The following AGTPBP1 variants were observed in gnomAD, a reference collection of about 807,000 sequenced individuals.
The protein encoded by AGTPBP1 is ATP/GTP binding carboxypeptidase 1.
In AGTPBP1, 70 loss-of-function variants were observed where a neutral mutation model predicts 143.9. The ratio of observed to expected loss-of-function variants is 0.49; its 90% CI spans 0.40 to 0.59. The LOEUF (loss-of-function observed/expected upper bound fraction) is 0.59. Among genes scored for constraint, AGTPBP1 ranks in the 20% least tolerant of loss-of-function variants. The probability of loss-of-function intolerance (pLI) is 0.00; values close to 1 mark genes in which losing one functional copy is unlikely to be tolerated. For synonymous variants in AGTPBP1, 463 were observed against 500.2 expected, an observed-to-expected ratio of 0.93 and a Z score of 0.99; for missense variants, 1,229 against 1,464.5, an observed-to-expected ratio of 0.84 and a Z score of 2.62.
At chr9:85,554,521 A>G (rs1475117649) in intron 25 of AGTPBP1, among the ~76,000 whole-genome samples, 1 of 152,180 alleles carries the variant, frequency 6.6e-6, no homozygotes, top group Non-Finnish European at 1.5e-5. Flanking sequence ...AGCCAGGAGG[A>G]GGCGTGAACC....
At position 85,586,828 on chromosome 9, in the gene AGTPBP1, T is replaced by C; in HGVS notation, c.3033+3A>G. ...CCAAGTAAAAACAAGTATTGCTACT[T>C]ACCAAGGGTAAACGCTTCACTGCAG... is the stretch of plus-strand genomic sequence containing the variant. On this transcript the variant is annotated splice_donor_region_variant and intron_variant, in intron 22 of 25. Transcript: ENST00000357081. 2 of 1,612,858 alleles carry C rather than the reference T, an allele frequency of 1.2e-6. No homozygotes were observed. Among genetic ancestry groups the C allele is most frequent in the Non-Finnish European group, 1.7e-6 (2 of 1,179,196 alleles).
the AGTPBP1 span, among the ~76,000 whole-genome samples, chr9:85,771,963 A>G: frequency 7.3e-6 from 1 of 136,358 alleles, no homozygotes; most frequent in Non-Finnish European, 1.6e-5. Context: ...CCAGCCTGAT[A>G]TAGATAACTC....
chr9:85,758,928 A>C, the AGTPBP1 span, among the ~76,000 whole-genome samples: 10 of 152,120 alleles, frequency 6.6e-5, no homozygotes, highest in South Asian at 2.1e-4. Context: ...GGAGGAAGAT[A>C]TACCAAGCAA....
the AGTPBP1 span, among the ~76,000 whole-genome samples, chr9:85,764,336 C>T: frequency 4.0e-5 from 6 of 151,898 alleles, no homozygotes; most frequent in African/African-American, 1.2e-4. Context: ...CGAGACCAGC[C>T]TGGCCAACAT....
At chr9:85,694,742 C>G (rs1836118771) in intron 2 of AGTPBP1, among the ~76,000 whole-genome samples, 1 of 152,188 alleles carries the variant, frequency 6.6e-6, no homozygotes, top group South Asian at 2.1e-4. Flanking sequence ...AATCCCACAG[C>G]TGTAATTATT....
At position 85,712,539 on chromosome 9, in the gene AGTPBP1, G is replaced by A; in HGVS notation, c.-6C>T. 2.0e-6 allele frequency: 3 copies of A among 1,491,700 alleles called. No individual in the cohort carries two copies. Among genetic ancestry groups the A allele is most frequent in the South Asian group, 1.3e-5 (1 of 74,142 alleles). The allele number at this position is 1,491,700 out of a possible 1,614,324, so 92.4% of individuals were successfully genotyped here. A position where few individuals can be genotyped will look rare whatever the true frequency, so the allele number is the denominator to read the frequency against. ...ATCACTTTTAACTTGCTCATCTTGA[G>A]TTACTTCATTTCATAATTGCAGATA... On this transcript the variant is annotated 5_prime_UTR_variant, in exon 2 of 26. Transcript: ENST00000357081.
chr9:85,561,679 T>C (rs1305912224), intron 25 of AGTPBP1, among the ~76,000 whole-genome samples: 1 of 152,038 alleles, frequency 6.6e-6, no homozygotes, highest in Non-Finnish European at 1.5e-5. Context: ...TGGTGAGAGC[T>C]AATGACTGCA....
intron 3 of AGTPBP1, among the ~76,000 whole-genome samples, chr9:85,685,464 A>T (rs1281516911): frequency 6.6e-6 from 1 of 152,098 alleles, no homozygotes; most frequent in Non-Finnish European, 1.5e-5. Flanking sequence ...TGGTGGAAAC[A>T]CAATTGTAAG....
the AGTPBP1 span, among the ~76,000 whole-genome samples, chr9:85,796,407 A>G: frequency 6.6e-6 from 1 of 152,310 alleles, no homozygotes; most frequent in African/African-American, 2.4e-5. Context: ...TTATGTTGTT[A>G]AAGTGAGATT....
At chr9:85,744,129 C>T (rs1824556236), upstream of AGTPBP1, among the ~76,000 whole-genome samples, 1 of 151,774 alleles carries the variant, frequency 6.6e-6, no homozygotes, top group Non-Finnish European at 1.5e-5. Context: ...TCGGGGTCTC[C>T]CTAAGTCACC....
chr9:85,783,382 A>G, the AGTPBP1 span, among the ~76,000 whole-genome samples: 7 of 152,218 alleles, frequency 4.6e-5, no homozygotes, highest in Non-Finnish European at 8.8e-5. Context: ...TTATAATCCT[A>G]CCCACATTTG....
At chr9:85,658,703 A>T (rs1055124399) in intron 9 of AGTPBP1, among the ~76,000 whole-genome samples, 1 of 152,162 alleles carries the variant, frequency 6.6e-6, no homozygotes, top group African/African-American at 2.4e-5. Flanking sequence ...TAAATGTGCT[A>T]GTACAAACCT....
chr9:85,702,403 C>T (rs1202996924), intron 2 of AGTPBP1, among the ~76,000 whole-genome samples: 3 of 152,190 alleles, frequency 2.0e-5, no homozygotes, highest in East Asian at 3.9e-4. Context: ...ATAGTATCTA[C>T]TTTCAAACTG....
At chr9:85,803,228 G>A in the AGTPBP1 span, among the ~76,000 whole-genome samples, 2 of 152,150 alleles carry the variant, frequency 1.3e-5, no homozygotes, top group Non-Finnish European at 2.9e-5. Context: ...GAACAATGTG[G>A]TCTTAAAGAC....
At chr9:85,769,535 A>G in the AGTPBP1 span, among the ~76,000 whole-genome samples, 8,089 of 150,826 alleles carry the variant, frequency 0.054, 726 homozygotes, top group African/African-American at 0.18. Context: ...AAAAAAAAAA[A>G]AAAAAGAAAA....
At chr9:85,725,282 G>A (rs1339787199) in intron 1 of AGTPBP1, among the ~76,000 whole-genome samples, 1 of 152,038 alleles carries the variant, frequency 6.6e-6, no homozygotes, top group African/African-American at 2.4e-5. Flanking sequence ...AGTTCTTTGA[G>A]AGATCAGAAA....
chr9:85,549,505 A>C (rs940253715), intron 25 of AGTPBP1, among the ~76,000 whole-genome samples: 1 of 152,234 alleles, frequency 6.6e-6, no homozygotes, highest in African/African-American at 2.4e-5. Context: ...GATCAGAGTA[A>C]GGATCTCATT....
intron 2 of AGTPBP1, among the ~76,000 whole-genome samples, chr9:85,698,446 G>A (rs1836415602): frequency 6.6e-6 from 1 of 152,056 alleles, no homozygotes; most frequent in South Asian, 2.1e-4. Context: ...TCCCAACTCA[G>A]CTCTAAAATT....
the AGTPBP1 span, among the ~76,000 whole-genome samples, chr9:85,758,473 C>T: frequency 3.9e-5 from 6 of 152,070 alleles, no homozygotes; most frequent in Non-Finnish European, 8.8e-5. Context: ...GGTGAAACCC[C>T]GTCTCTTCTA....
Sources: gnomAD v4.1 joint callset for allele counts (sites outside exome capture counted in the v4.1 genomes callset) on GRCh38, gnomAD v4.1.1 for gene constraint, MANE v1.5 for transcripts, NCBI Gene and HGNC (gene_info 2026-07-23, HGNC 2026-07-21) for gene names.